Variants in VWC2L observed in about 807,000 individuals in gnomAD.
VWC2L encodes von Willebrand factor C domain-containing protein 2-like.
VWC2L carries 10 observed loss-of-function variants against 21.6 expected under a neutral mutation model. The observed-to-expected ratio is 0.46, with a 90% CI of 0.29 to 0.78. The LOEUF (loss-of-function observed/expected upper bound fraction) is 0.78, where lower values mean the gene tolerates loss of function less well. Ranked by LOEUF, VWC2L falls within the 30% of genes least tolerant of loss-of-function variation. The probability of loss-of-function intolerance (pLI) is 0.10; values close to 1 mark genes in which losing one functional copy is unlikely to be tolerated. For synonymous variants in VWC2L, 96 were observed against 94.3 expected, an observed-to-expected ratio of 1.02 and a Z score of -0.10; for missense variants, 209 against 277.1, an observed-to-expected ratio of 0.75 and a Z score of 1.74.
chr2:214,449,917 A>C (rs1472985308), intron 3 of VWC2L, among the ~76,000 whole-genome samples: 1 of 152,106 alleles, frequency 6.6e-6, no homozygotes, highest in East Asian at 1.9e-4. Flanking sequence ...AAGGTCCCTA[A>C]TGCAATATAT....
In VWC2L at chr2:214,414,193, G is replaced by C. The variant is rs1559283040; in HGVS notation, c.-1G>C. 2 of 1,609,090 alleles carry C rather than the reference G, an allele frequency of 1.2e-6. No individual in the cohort carries two copies. The highest frequency in any genetic ancestry group is 1.7e-5 in the Admixed American group (1 of 58,726). On this transcript the variant is annotated 5_prime_UTR_variant, in exon 2 of 4. Coordinates refer to ENST00000312504, the MANE Select transcript of VWC2L (RefSeq NM_001080500.4). ...ACATCCAGAAGTCTTTGAAGAGGGGGATGGCTCTTCATATTCATGAAGCTT... is the reference window on the plus strand; with the variant it reads ...ACATCCAGAAGTCTTTGAAGAGGGGCATGGCTCTTCATATTCATGAAGCTT...
intron 3 of VWC2L, among the ~76,000 whole-genome samples, chr2:214,573,343 T>A (rs1690181079): frequency 6.6e-6 from 1 of 152,178 alleles, no homozygotes; most frequent in Admixed American, 6.6e-5. Flanking sequence ...AAACTCTTAC[T>A]GGATAATATC....
chr2:214,467,640 A>G (rs1476372445), intron 3 of VWC2L, among the ~76,000 whole-genome samples: 1 of 152,122 alleles, frequency 6.6e-6, no homozygotes, highest in Non-Finnish European at 1.5e-5. Flanking sequence ...GGAAGAGCAT[A>G]CTTTACAACT....
intron 3 of VWC2L, among the ~76,000 whole-genome samples, chr2:214,490,835 T>C (rs994546388): frequency 5.3e-5 from 8 of 152,098 alleles, no homozygotes; most frequent in Admixed American, 3.3e-4. Flanking sequence ...AGGTAAGGAA[T>C]TGGTGTCAAT....
At chr2:214,521,966 A>G (rs563853234) in intron 3 of VWC2L, among the ~76,000 whole-genome samples, 2 of 152,364 alleles carry the variant, frequency 1.3e-5, no homozygotes, top group East Asian at 1.9e-4. Context: ...TTTTGAGAAC[A>G]TAGCAGGCAG....
At chr2:214,419,355 G>C (rs1702400206) in intron 2 of VWC2L, among the ~76,000 whole-genome samples, 1 of 152,142 alleles carries the variant, frequency 6.6e-6, no homozygotes, top group Non-Finnish European at 1.5e-5. Context: ...TATTGGAAAT[G>C]TAGGCTTAAC....
chr2:214,534,140 T>C (rs1332514833), intron 3 of VWC2L: 1 of 152,434 alleles, frequency 6.6e-6, no homozygotes, highest in Non-Finnish European at 1.5e-5. Flanking sequence ...ATCTCTGAGA[T>C]GTGTGGTAAG....
intron 2 of VWC2L, among the ~76,000 whole-genome samples, chr2:214,434,346 C>A (rs1012474686): frequency 6.6e-6 from 1 of 152,156 alleles, no homozygotes; most frequent in Non-Finnish European, 1.5e-5. Context: ...GAATGTAACA[C>A]TTGTGGCAAC....
intron 3 of VWC2L, among the ~76,000 whole-genome samples, chr2:214,452,898 C>G (rs1702997377): frequency 2.0e-5 from 3 of 152,124 alleles, no homozygotes; most frequent in Non-Finnish European, 4.4e-5. Context: ...GGTGAAATGT[C>G]TGTTCAAATC....
rs140518621 is a variant in VWC2L, at chr2:214,562,015, G to A, written c.521-13657G>A. Among the ~76,000 whole-genome samples, 97 of 151,710 alleles carry A rather than the reference G, an allele frequency of 6.4e-4. No homozygotes were observed. In the East Asian group the frequency reaches 0.014, roughly 22 times the overall value. ...TTTTTTTAATTTTTAAAGGTCTGTG[G>A]TACATGTACAGGCAGAATATGCAGG... On this transcript the variant is annotated intron_variant, in intron 3 of 3. Transcript: ENST00000312504.
chr2:214,556,493 A>G (rs1469248768), intron 3 of VWC2L, among the ~76,000 whole-genome samples: 1 of 152,166 alleles, frequency 6.6e-6, no homozygotes, highest in South Asian at 2.1e-4. Context: ...ATCTAGAAAC[A>G]TGAAGGGTCA....
chr2:214,479,168 T>A (rs1688566456), intron 3 of VWC2L, among the ~76,000 whole-genome samples: 1 of 152,150 alleles, frequency 6.6e-6, no homozygotes. Context: ...ATGGGTGAGA[T>A]CATCTCAAAC....
intron 2 of VWC2L, among the ~76,000 whole-genome samples, chr2:214,420,228 T>C (rs1476701525): frequency 6.6e-6 from 1 of 152,178 alleles, no homozygotes; most frequent in East Asian, 1.9e-4. Flanking sequence ...ATTGTTAATG[T>C]CCAATATTGT....
rs1012125627 is a variant in VWC2L at position 214,551,030 on chromosome 2, C to A, written c.521-24642C>A. On this transcript the variant is annotated intron_variant, in intron 3 of 3. Coordinates refer to ENST00000312504, the MANE Select transcript of VWC2L (RefSeq NM_001080500.4). The stretch of plus-strand genomic sequence containing the variant: ...ACTTCCTCTTTGCCCAGCACTGCAA[C>A]AAAAATTAGCAGAACAGCTCCTTCT... Among the ~76,000 whole-genome samples the A allele has an allele frequency of 2.6e-5, 4 of 152,108 alleles. No individual in the cohort carries two copies. The East Asian group carries it at 7.7e-4, about 29-fold the overall frequency.
Position 214,520,067 on chromosome 2 carries a change from A to ACACACACACGCG in VWC2L, c.521-55596_521-55595insGCGCACACACAC, listed in dbSNP as rs759056604. Among the ~76,000 whole-genome samples, 6 of 150,950 alleles carry ACACACACACGCG rather than the reference A, an allele frequency of 4.0e-5. No individual in the cohort carries two copies. In the South Asian group the frequency reaches 1.1e-3, roughly 27 times the overall value. ...ATATTTGCTCCTGTTATACACACAC[A>ACACACACACGCG]CACACACACACACACACACACACTT... On this transcript the variant is annotated intron_variant, in intron 3 of 3. Coordinates refer to ENST00000312504, the MANE Select transcript of VWC2L (RefSeq NM_001080500.4).
chr2:214,426,458 C>T (rs546667451), intron 2 of VWC2L, among the ~76,000 whole-genome samples: 36 of 152,236 alleles, frequency 2.4e-4, no homozygotes, highest in Middle Eastern at 3.4e-3. Context: ...AGCCACCAAA[C>T]GGCTTAGATC....
At position 214,575,034 on chromosome 2, in the gene VWC2L, TAAAA is replaced by T. The variant is rs3046806; in HGVS notation, c.521-619_521-616del. On this transcript the variant is annotated intron_variant, in intron 3 of 3. Coordinates refer to ENST00000312504, the MANE Select transcript of VWC2L (RefSeq NM_001080500.4). ...AAGCCCACTATTTTGGGTCATTCTT[TAAAA>T]AAAAAAAAAAAAAAAAAAGAGCCAG... Among the ~76,000 whole-genome samples, 542 of 118,442 alleles carry T rather than the reference TAAAA, an allele frequency of 4.6e-3. 3 individuals are homozygous for T. Among genetic ancestry groups the T allele is most frequent in the South Asian group, 0.022 (81 of 3,644 alleles). 77.7% of individuals were successfully genotyped at this position (118,442 alleles called of 152,430 possible).
At chr2:214,471,996 T>C (rs879883833) in intron 3 of VWC2L, among the ~76,000 whole-genome samples, 6 of 152,136 alleles carry the variant, frequency 3.9e-5, no homozygotes, top group Admixed American at 1.3e-4. Context: ...TTCTCATTTG[T>C]CTCTTCTGCA....
At chr2:214,518,041 C>T (rs914648924) in intron 3 of VWC2L, among the ~76,000 whole-genome samples, 1 of 152,152 alleles carries the variant, frequency 6.6e-6, no homozygotes, top group African/African-American at 2.4e-5. Context: ...TGGCAGGCAC[C>T]TGCAGTCCCA....
Sources: allele counts gnomAD v4.1 joint callset (sites outside exome capture counted in the v4.1 genomes callset), GRCh38; gene constraint gnomAD v4.1.1; transcripts MANE v1.5; gene names NCBI Gene and HGNC (gene_info 2026-07-23, HGNC 2026-07-21).